The following ZNF564 variants were observed in gnomAD, a reference collection of about 807,000 sequenced individuals.
ZNF564 encodes zinc finger protein 564.
In ZNF564, 5 loss-of-function variants were observed where a neutral mutation model predicts 10.5. That is an observed-to-expected ratio of 0.48 (90% CI 0.25 to 1.00). ZNF564 has a LOEUF of 1.00. ZNF564 is among the 50% of genes least tolerant of loss of function. The probability of loss-of-function intolerance (pLI) is 0.16; values close to 1 mark genes in which losing one functional copy is unlikely to be tolerated. For synonymous variants in ZNF564, 242 were observed against 218.1 expected, an observed-to-expected ratio of 1.11 and a Z score of -0.97; for missense variants, 603 against 669.7, an observed-to-expected ratio of 0.90 and a Z score of 1.10.
chr19:12,532,167 T>G (rs945836642), intron 1 of ZNF564, among the ~76,000 whole-genome samples: 44 of 151,812 alleles, frequency 2.9e-4, no homozygotes, highest in Non-Finnish European at 5.7e-4. Flanking sequence ...TGCGCTATAA[T>G]TTATTGTGAA....
Position 12,527,601 on chromosome 19 carries a change from A to G in ZNF564, c.507T>C (p.Tyr169=). ...AGGCTTTCCCACATTCCGGACATGC[A>G]TAGGGTTTCTCACCAGTGTGAGTTC... ...HERTHTGEKP[Y]ACPECGKAFI... is the part of the protein sequence containing the mutation. Residue 169 remains tyrosine, a synonymous_variant, in exon 4 of 4, where the codon TAT becomes TAC. Coordinates refer to ENST00000339282, the MANE Select transcript of ZNF564 (RefSeq NM_144976.4). The G allele has an allele frequency of 6.2e-7, 1 of 1,614,214 alleles. No homozygotes were observed. Among genetic ancestry groups the G allele is most frequent in the Non-Finnish European group, 8.5e-7 (1 of 1,180,030 alleles).
rs186930750 is a variant in ZNF564, at chr19:12,535,145, G to A, written c.4-6449C>T. ...TCCCAGCACTTTGGGAGGCAGAGGC[G>A]GGAGGATCACCTGAGGTCAGGAGTT... On this transcript the variant is annotated intron_variant, in intron 1 of 3. Transcript: ENST00000339282. Among the ~76,000 whole-genome samples the A allele has an allele frequency of 1.3e-4, 19 of 151,728 alleles. No individual in the cohort carries two copies. In the Middle Eastern group the frequency reaches 0.01, roughly 82 times the overall value.
At chr19:12,550,748 G>T in intron 1 of ZNF564, 1 of 158,106 alleles carries the variant, frequency 6.3e-6, no homozygotes, top group Non-Finnish European at 1.4e-5. Flanking sequence ...TGTCTTAAAT[G>T]TCAAACAAAA....
intron 1 of ZNF564, among the ~76,000 whole-genome samples, chr19:12,537,729 A>G (rs1863469267): frequency 7.3e-6 from 1 of 136,308 alleles, no homozygotes; most frequent in Non-Finnish European, 1.6e-5. Context: ...CAAGAGTGAA[A>G]CTCCGTCTCA....
chr19:12,535,899 G>A (rs1402376597), intron 1 of ZNF564, among the ~76,000 whole-genome samples: 1 of 151,766 alleles, frequency 6.6e-6, no homozygotes, highest in African/African-American at 2.4e-5. Context: ...TGTAGTCCCA[G>A]CTACTTGGGA....
intron 1 of ZNF564, among the ~76,000 whole-genome samples, chr19:12,536,077 T>A (rs918106703): frequency 2.0e-5 from 3 of 151,800 alleles, no homozygotes; most frequent in Non-Finnish European, 4.4e-5. Context: ...CTGTACTTAA[T>A]GATCAATTTT....
chr19:12,551,227 C>G (rs2022253176), intron 1 of ZNF564, 103 bp downstream of exon 1: 4 of 1,363,422 alleles, frequency 2.9e-6, no homozygotes, highest in Non-Finnish European at 4.1e-6. Context: ...GGTCCCAGAC[C>G]CTGGAGTCGC....
At chr19:12,529,360 C>T (rs542480855) in intron 1 of ZNF564, among the ~76,000 whole-genome samples, 55 of 152,056 alleles carry the variant, frequency 3.6e-4, no homozygotes, top group Non-Finnish European at 6.5e-4. Flanking sequence ...AATCCCAGCA[C>T]TTTGGGAGGC....
intron 1 of ZNF564, among the ~76,000 whole-genome samples, chr19:12,540,390 G>A (rs1043130554): frequency 3.9e-5 from 6 of 152,252 alleles, no homozygotes; most frequent in Admixed American, 1.3e-4. Context: ...AGTGTACTCC[G>A]AATTTTGAGC....
intron 1 of ZNF564, among the ~76,000 whole-genome samples, chr19:12,536,705 G>A (rs2021921562): frequency 6.6e-6 from 1 of 152,112 alleles, no homozygotes; most frequent in African/African-American, 2.4e-5. Context: ...CTTCGTATAA[G>A]ATATGTATTG....
At chr19:12,548,890 T>C (rs1568268112) in intron 1 of ZNF564, 2 of 702,098 alleles carry the variant, frequency 2.8e-6, no homozygotes, top group African/African-American at 3.5e-5. Flanking sequence ...TTTTAGAGAA[T>C]CTCTGTATTT....
chr19:12,532,143 G>A (rs549135948), intron 1 of ZNF564, among the ~76,000 whole-genome samples: 1 of 152,118 alleles, frequency 6.6e-6, no homozygotes, highest in East Asian at 1.9e-4. Flanking sequence ...GAGACCAGGA[G>A]TTCAAGGATA....
At chr19:12,532,562 AT>A (rs1555697077) in intron 1 of ZNF564, among the ~76,000 whole-genome samples, 114 of 143,730 alleles carry the variant, frequency 7.9e-4, no homozygotes, top group Non-Finnish European at 1.3e-3. Flanking sequence ...AAAAAAAAAA[AT>A]TTTTTTTTTA....
Position 12,527,790 on chromosome 19 carries a change from A to T in ZNF564, c.318T>A (p.Ser106Arg). 1.2e-6 allele frequency: 2 copies of T among 1,614,098 alleles called. No individual in the cohort carries two copies. Among genetic ancestry groups the T allele is most frequent in the Non-Finnish European group, 1.7e-6 (2 of 1,180,018 alleles). ...GATGCATGAAGACTTTCCCACACAA[A>T]CTACATTCACATGGTCTTACTATAG... is the stretch of plus-strand genomic sequence containing the variant. ...IPTIVRPCEC[S>R]LCGKVFMHHS... is the part of the protein sequence containing the mutation. The change falls in exon 4 of 4, where the codon AGT becomes AGA. Residue 106 changes from serine (S) to arginine (R), a missense_variant. Ser to Arg is a moderately radical substitution (Grantham distance 110, BLOSUM62 -1). Transcript: ENST00000339282.
At chr19:12,545,752 G>A (rs1167544059) in intron 1 of ZNF564, among the ~76,000 whole-genome samples, 5 of 152,108 alleles carry the variant, frequency 3.3e-5, no homozygotes, top group South Asian at 2.1e-4. Context: ...TATAGGCAAC[G>A]CTCCTCATCT....
chr19:12,537,515 G>C (rs2021940193), intron 1 of ZNF564, among the ~76,000 whole-genome samples: 3 of 152,098 alleles, frequency 2.0e-5, no homozygotes, highest in Admixed American at 2.0e-4. Context: ...GAGGGGGGCG[G>C]ATCACCTGAG....
intron 1 of ZNF564, among the ~76,000 whole-genome samples, chr19:12,542,165 C>T (rs1410765034): frequency 6.0e-5 from 9 of 150,956 alleles, no homozygotes; most frequent in East Asian, 1.9e-4. Flanking sequence ...AAAAATTAGC[C>T]GGGTATGGTG....
Position 12,541,080 on chromosome 19 carries a change from A to C in ZNF564, c.3+10250T>G, listed in dbSNP as rs1431292496. Among the ~76,000 whole-genome samples, 324 of 150,356 alleles carry C rather than the reference A, an allele frequency of 2.2e-3. 3 individuals are homozygous for C. The highest frequency in any genetic ancestry group is 7.5e-3 in the African/African-American group (308 of 40,864). On this transcript the variant is annotated intron_variant, in intron 1 of 3. Transcript: ENST00000339282. ...CCCTGTCTCTACAAAAAAAAAAAAAAAAAAAAAAGAAACACAAAAATTAGC... is the reference window on the plus strand; with the variant it reads ...CCCTGTCTCTACAAAAAAAAAAAAACAAAAAAAAGAAACACAAAAATTAGC...
At chr19:12,540,678 C>A (rs1599284484) in intron 1 of ZNF564, among the ~76,000 whole-genome samples, 1 of 152,122 alleles carries the variant, frequency 6.6e-6, no homozygotes, top group African/African-American at 2.4e-5. Flanking sequence ...CATGATGAAA[C>A]CCCGTCTCTA....
Sources: gnomAD v4.1 joint callset for allele counts (sites outside exome capture counted in the v4.1 genomes callset) on GRCh38, gnomAD v4.1.1 for gene constraint, MANE v1.5 for transcripts, NCBI Gene and HGNC (gene_info 2026-07-23, HGNC 2026-07-21) for gene names.